DNAAF1: variants seen among roughly 807,000 people sequenced by gnomAD.
DNAAF1 encodes dynein assembly factor 1, axonemal.
In DNAAF1, 65 loss-of-function variants were observed where a neutral mutation model predicts 71.1. The observed-to-expected ratio is 0.91, with a 90% confidence interval of 0.75 to 1.12. DNAAF1 has a LOEUF of 1.12. Ranked by LOEUF, DNAAF1 falls within the 50% of genes most tolerant of loss-of-function variation. The pLI is 0.00. For synonymous variants in DNAAF1, 414 were observed against 354.6 expected, an observed-to-expected ratio of 1.17 and a Z score of -1.88; for missense variants, 1,178 against 899.8, an observed-to-expected ratio of 1.31 and a Z score of -3.96.
At chr16:84,156,751 A>C (rs1486592734) in intron 5 of DNAAF1, among the ~76,000 whole-genome samples, 1 of 152,060 alleles carries the variant, frequency 6.6e-6, no homozygotes, top group Admixed American at 6.6e-5. Flanking sequence ...CTAGTGGTTC[A>C]TGCAGTTCAT....
chr16:84,175,575 G>A (rs9652672), intron 10 of DNAAF1: 46,821 of 307,378 alleles, frequency 0.15, 4,895 homozygotes, highest in African/African-American at 0.35. Context: ...GTTACTGTGG[G>A]GGGCCTGCTG....
intron 9 of DNAAF1, chr16:84,172,810 A>G: frequency 9.5e-7 from 1 of 1,056,352 alleles, no homozygotes; most frequent in Non-Finnish European, 1.1e-6. Context: ...GACACCGCCC[A>G]GCAGGTAGCT....
chr16:84,157,510 CAAA>C (rs59707812), intron 5 of DNAAF1, among the ~76,000 whole-genome samples: 23 of 82,306 alleles, frequency 2.8e-4, no homozygotes, highest in East Asian at 3.7e-4. Flanking sequence ...GACACTGTGT[CAAA>C]AAAAAAAAAA....
chr16:84,158,967 G>C (rs915703850), intron 5 of DNAAF1: 6 of 932,882 alleles, frequency 6.4e-6, no homozygotes, highest in Non-Finnish European at 7.7e-6. Context: ...CTGACCTCAA[G>C]TGATCCACCC....
rs753912123 is a variant in DNAAF1, at chr16:84,145,575, C to T, written c.124+11C>T. On this transcript the variant is annotated intron_variant, in intron 1 of 11. Transcript: ENST00000378553. ...GGGGCTGCAAGGAAGGTGCCGACTGCCCCCCAGGGAGGGCGGTGGGCGAGG... is the reference window on the plus strand; with the variant it reads ...GGGGCTGCAAGGAAGGTGCCGACTGTCCCCCAGGGAGGGCGGTGGGCGAGG... 76 of 1,544,522 alleles carry T rather than the reference C, an allele frequency of 4.9e-5. No individual in the cohort carries two copies. The highest frequency in any genetic ancestry group is 6.5e-5 in the Non-Finnish European group (74 of 1,145,340).
At chr16:84,177,667 G>A in intron 11 of DNAAF1, 62 bp from the exon 12 acceptor site, 1 of 1,433,296 alleles carries the variant, frequency 7.0e-7, no homozygotes, top group African/African-American at 1.4e-5. Flanking sequence ...CCCCAAGGCT[G>A]CCCCCCTGTC....
At position 84,170,033 on chromosome 16, in the gene DNAAF1, A is replaced by T. The variant is rs144034147; in HGVS notation, c.1205A>T (p.Glu402Val). 369 of 1,613,884 alleles carry T rather than the reference A, an allele frequency of 2.3e-4. 4 individuals are homozygous for T. The Middle Eastern group carries it at 8.0e-3, about 35-fold the overall frequency. The stretch of plus-strand genomic sequence containing the variant: ...CCAAGTGGAGAGGAGCCGCCTGTGG[A>T]GGCTAAAAGAGAGGATGGAGGTCCA... ...EKPSGEEPPVEAKREDGGPEP... is the reference protein window; with the variant it reads ...EKPSGEEPPVVAKREDGGPEP... Residue 402 changes from glutamate (E) to valine (V), a missense_variant, in exon 8 of 12, where the codon GAG (glutamate) becomes GTG (valine). Coordinates refer to ENST00000378553, the MANE Select transcript of DNAAF1 (RefSeq NM_178452.6).
At chr16:84,166,947 C>T (rs2088040414) in intron 7 of DNAAF1, among the ~76,000 whole-genome samples, 1 of 152,228 alleles carries the variant, frequency 6.6e-6, no homozygotes, top group Non-Finnish European at 1.5e-5. Flanking sequence ...CCCACCAATT[C>T]TCTGACACCA....
intron 6 of DNAAF1, 118 bp from the exon 7 acceptor site, chr16:84,165,665 T>A: frequency 1.0e-6 from 1 of 973,774 alleles, no homozygotes. Context: ...CTTTTATCCT[T>A]GCAGTCACAT....
intron 7 of DNAAF1, among the ~76,000 whole-genome samples, chr16:84,169,406 C>G (rs1185269877): frequency 6.6e-6 from 1 of 151,240 alleles, no homozygotes; most frequent in South Asian, 2.1e-4. Flanking sequence ...ACTTTTTAAA[C>G]TATGTTCCTT....
chr16:84,149,201 A>C, intron 2 of DNAAF1, 59 bp downstream of exon 2: 1 of 1,594,126 alleles, frequency 6.3e-7, no homozygotes. Context: ...TGGCGTAATC[A>C]CCCCCTTGTA....
chr16:84,148,284 T>C (rs905277179), intron 1 of DNAAF1, among the ~76,000 whole-genome samples: 13 of 152,168 alleles, frequency 8.5e-5, no homozygotes, highest in Non-Finnish European at 1.9e-4. Flanking sequence ...TTTTGAAACT[T>C]GCTTTTTTCA....
At chr16:84,149,332 G>A (rs899009254) in intron 2 of DNAAF1, among the ~76,000 whole-genome samples, 190 bp downstream of exon 2, 1 of 152,178 alleles carries the variant, frequency 6.6e-6, no homozygotes, top group Non-Finnish European at 1.5e-5. Flanking sequence ...TTTAATGCCA[G>A]ACTGCAGAGA....
chr16:84,175,779 A>C (rs1016077236), intron 10 of DNAAF1, 154 bp from the exon 11 acceptor site: 4 of 969,708 alleles, frequency 4.1e-6, no homozygotes, highest in Admixed American at 3.8e-5. Context: ...CCCAGGCCTA[A>C]CTTTCAGAGT....
chr16:84,173,970 T>C (rs1313675627), intron 9 of DNAAF1: 1 of 155,994 alleles, frequency 6.4e-6, no homozygotes, highest in Non-Finnish European at 1.4e-5. Flanking sequence ...TCTTATTATA[T>C]GGGTGACACC....
chr16:84,172,240 G>A lies in DNAAF1; in HGVS notation c.1529-20G>A. ...CTGCCGTGTGTTAAACTAACTCCAA[G>A]ACTTGTTGTTGCTCTTTAGAACCGA... On this transcript the variant is annotated intron_variant, in intron 8 of 11. Coordinates refer to ENST00000378553, the MANE Select transcript of DNAAF1 (RefSeq NM_178452.6). 1 of 1,612,000 alleles carries A rather than the reference G, an allele frequency of 6.2e-7. No individual in the cohort carries two copies.
intron 10 of DNAAF1, 193 bp downstream of exon 10, chr16:84,174,915 G>A: frequency 3.0e-6 from 2 of 675,602 alleles, no homozygotes; most frequent in Non-Finnish European, 5.0e-6. Context: ...CAGTGCAATA[G>A]TGTGTTCTTG....
intron 9 of DNAAF1, 29 bp from the exon 10 acceptor site, chr16:84,174,640 G>A (rs1400864181): frequency 1.2e-6 from 2 of 1,614,088 alleles, no homozygotes; most frequent in Non-Finnish European, 8.5e-7. Context: ...GTACCTCCCT[G>A]GTGATGTGCG....
At chr16:84,172,478 C>T in intron 9 of DNAAF1, 103 bp downstream of exon 9, 1 of 1,536,202 alleles carries the variant, frequency 6.5e-7, no homozygotes, top group Non-Finnish European at 8.8e-7. Flanking sequence ...CAAGTGTGGT[C>T]CTTGGGCCGG....
Sources: allele counts gnomAD v4.1 joint callset (sites outside exome capture counted in the v4.1 genomes callset), GRCh38; gene constraint gnomAD v4.1.1; transcripts MANE v1.5; gene names NCBI Gene and HGNC (gene_info 2026-07-23, HGNC 2026-07-21).